ANXA8: variants seen among roughly 807,000 people sequenced by gnomAD.
ANXA8 encodes the protein annexin A8.
In ANXA8, 9 loss-of-function variants were observed where a neutral mutation model predicts 26.8. The observed-to-expected ratio is 0.34, with a 90% CI of 0.20 to 0.59. The LOEUF (loss-of-function observed/expected upper bound fraction) is 0.59, where lower values mean the gene tolerates loss of function less well. ANXA8 is among the 20% of genes least tolerant of loss of function. The pLI is 0.84. For synonymous variants in ANXA8, 39 were observed against 94.8 expected, an observed-to-expected ratio of 0.41 and a Z score of 3.42; for missense variants, 83 against 238.5, an observed-to-expected ratio of 0.35 and a Z score of 4.29.
the ANXA8 span, among the ~76,000 whole-genome samples, chr10:47,506,643 T>G: frequency 4.2e-5 from 6 of 141,828 alleles, no homozygotes; most frequent in Non-Finnish European, 7.7e-5. Context: ...TTATTGCTTT[T>G]TTTGTTTGTT....
At chr10:47,735,693 C>T in the ANXA8 span, among the ~76,000 whole-genome samples, 1 of 151,450 alleles carries the variant, frequency 6.6e-6, no homozygotes, top group Non-Finnish European at 1.5e-5. Flanking sequence ...GGTTGGAGTG[C>T]AGTGGTGTGA....
chr10:47,777,296 C>T, the ANXA8 span, among the ~76,000 whole-genome samples: 2 of 151,508 alleles, frequency 1.3e-5, no homozygotes, highest in African/African-American at 4.9e-5. Context: ...ACAGCCTGCA[C>T]CATCAGATCT....
the ANXA8 span, among the ~76,000 whole-genome samples, chr10:47,706,985 G>A: frequency 0.029 from 3,510 of 119,824 alleles, 30 homozygotes; most frequent in Middle Eastern, 0.069. Flanking sequence ...TATATATTGT[G>A]TTTCTTAATA....
At chr10:47,594,664 A>G in the ANXA8 span, among the ~76,000 whole-genome samples, 62 of 148,822 alleles carry the variant, frequency 4.2e-4, no homozygotes, top group African/African-American at 1.6e-3. Flanking sequence ...AGAAGGAAAC[A>G]CTTCAAAGCT....
At chr10:47,684,273 C>T in the ANXA8 span, among the ~76,000 whole-genome samples, 1 of 152,218 alleles carries the variant, frequency 6.6e-6, no homozygotes, top group Non-Finnish European at 1.5e-5. Context: ...TTTGTTTCCC[C>T]CTGCCCTTGC....
the ANXA8 span, among the ~76,000 whole-genome samples, chr10:47,954,989 G>A: frequency 6.7e-6 from 1 of 149,178 alleles, no homozygotes; most frequent in African/African-American, 2.5e-5. Flanking sequence ...AGTCATGGTG[G>A]TATAGTTTGG....
chr10:47,940,410 C>T, the ANXA8 span, among the ~76,000 whole-genome samples: 1 of 147,284 alleles, frequency 6.8e-6, no homozygotes, highest in Non-Finnish European at 1.5e-5. Flanking sequence ...CCCACCTTCC[C>T]CACGATGCAG....
the ANXA8 span, among the ~76,000 whole-genome samples, chr10:47,695,734 A>G: frequency 1.0e-5 from 1 of 96,548 alleles, no homozygotes; most frequent in Non-Finnish European, 2.5e-5. Flanking sequence ...ATCCTGCCTT[A>G]GAGATAGCTC....
chr10:47,560,994 A>G, the ANXA8 span, among the ~76,000 whole-genome samples: 2 of 151,200 alleles, frequency 1.3e-5, no homozygotes, highest in South Asian at 2.1e-4. Context: ...TTTAAGATAC[A>G]AAGGATTCAT....
At chr10:47,702,252 G>A in the ANXA8 span, among the ~76,000 whole-genome samples, 1 of 151,008 alleles carries the variant, frequency 6.6e-6, no homozygotes, top group African/African-American at 2.4e-5. Context: ...TCTGTCCATT[G>A]AGCGAGCACA....
chr10:47,499,872 C>T, the ANXA8 span, among the ~76,000 whole-genome samples: 1 of 143,402 alleles, frequency 7.0e-6, no homozygotes, highest in Non-Finnish European at 1.5e-5. Flanking sequence ...AAGTGATCTT[C>T]CTGCCTCAGC....
the ANXA8 span, among the ~76,000 whole-genome samples, chr10:47,918,372 AGAGAGAGAGAG>A: frequency 5.0e-5 from 1 of 20,178 alleles, no homozygotes; most frequent in Non-Finnish European, 8.8e-5. Flanking sequence ...AGAGAGAGAG[AGAGAGAGAGAG>A]AGAAAGAAAG....
chr10:47,700,190 A>G, the ANXA8 span, among the ~76,000 whole-genome samples: 2 of 151,930 alleles, frequency 1.3e-5, no homozygotes, highest in South Asian at 4.1e-4. Flanking sequence ...AAGAATAGCT[A>G]GGAAAAGACT....
chr10:47,951,893 T>A, the ANXA8 span, among the ~76,000 whole-genome samples: 6 of 148,698 alleles, frequency 4.0e-5, no homozygotes, highest in Admixed American at 1.3e-4. Context: ...TAGGAATATA[T>A]GTAGAGGGTA....
the ANXA8 span, chr10:47,565,874 G>A: frequency 5.1e-5 from 69 of 1,347,228 alleles, no homozygotes; most frequent in South Asian, 9.5e-4. Context: ...AGACGAGCTG[G>A]CCCCGGATTC....
chr10:47,898,957 C>CCGAGTAGCT, the ANXA8 span, among the ~76,000 whole-genome samples: 6 of 149,892 alleles, frequency 4.0e-5, no homozygotes, highest in Non-Finnish European at 8.9e-5. Context: ...CCTCAGCCTC[C>CCGAGTAGCT]CGAGTAGCTG....
chr10:47,486,952 G>A (rs1369154136), upstream of ANXA8, among the ~76,000 whole-genome samples: 54 of 148,028 alleles, frequency 3.6e-4, no homozygotes, highest in South Asian at 1.1e-3. Flanking sequence ...CAGCCTGGGC[G>A]ACAGAGCAAG....
At chr10:47,733,898 G>T in the ANXA8 span, among the ~76,000 whole-genome samples, 1 of 152,296 alleles carries the variant, frequency 6.6e-6, no homozygotes. Context: ...ACGTTGTTAA[G>T]AAATCGTGAT....
the ANXA8 span, among the ~76,000 whole-genome samples, chr10:47,960,516 CTGAGCATTGCTTTA>C: frequency 2.0e-5 from 3 of 149,970 alleles, no homozygotes; most frequent in Non-Finnish European, 4.4e-5. Flanking sequence ...AAGATGCTTT[CTGAGCATTGCTTTA>C]TGCATATGCT....
Sources: allele counts gnomAD v4.1 joint callset (sites outside exome capture counted in the v4.1 genomes callset), GRCh38; gene constraint gnomAD v4.1.1; transcripts MANE v1.5; gene names NCBI Gene and HGNC (gene_info 2026-07-23, HGNC 2026-07-21).